The following CREBBP variants were observed in gnomAD, a reference collection of about 807,000 sequenced individuals.
The protein encoded by CREBBP is CREB binding lysine acetyltransferase.
In CREBBP, 19 loss-of-function variants were observed where a neutral mutation model predicts 265.0. That is an observed-to-expected ratio of 0.07 (90% confidence interval 0.05 to 0.11). The LOEUF is 0.11. CREBBP is among the 10% of genes least tolerant of loss of function. The pLI is 1.00. For missense variants in CREBBP, 2,525 were observed against 3,219.0 expected, an observed-to-expected ratio of 0.78 and a Z score of 5.22; for synonymous variants, 1,457 against 1,223.7, an observed-to-expected ratio of 1.19 and a Z score of -3.98.
At position 3,774,647 on chromosome 16, in the gene CREBBP, T is replaced by C. The variant is rs772073447; in HGVS notation, c.2205A>G (p.Pro735=). ...CTGCACGAGGTCCCATGGGTGCTTG[T>C]GGCAACTGGACGTTCCCCAAGGACA... The part of the protein sequence containing the change: ...NPMSLGNVQL[P]QAPMGPRAAS... The change falls in exon 12 of 31, where the codon CCA becomes CCG. Residue 735 remains proline (P), a synonymous_variant. Coordinates refer to ENST00000262367, the MANE Select transcript of CREBBP (RefSeq NM_004380.3). The C allele has an allele frequency of 3.1e-6, 5 of 1,614,216 alleles. No individual in the cohort carries two copies. The highest frequency in any genetic ancestry group is 2.2e-5 in the East Asian group (1 of 44,892).
chr16:3,826,632 T>C (rs1327751459), intron 2 of CREBBP, among the ~76,000 whole-genome samples: 1 of 152,040 alleles, frequency 6.6e-6, no homozygotes, highest in African/African-American at 2.4e-5. Context: ...CAGACAAATC[T>C]GTACAGAGGG....
At chr16:3,730,979 C>T (rs953392251) in intron 30 of CREBBP, among the ~76,000 whole-genome samples, 4 of 152,218 alleles carry the variant, frequency 2.6e-5, no homozygotes, top group African/African-American at 9.6e-5. Context: ...CTGGCCGTCC[C>T]CAGGGTCAGG....
rs200780672 is a variant in CREBBP at position 3,728,671 on chromosome 16, C to A, written c.6376G>T (p.Gly2126Cys). 5.6e-6 allele frequency: 9 copies of A among 1,613,490 alleles called. No homozygotes were observed. Among genetic ancestry groups the A allele is most frequent in the African/African-American group, 1.3e-5 (1 of 74,834 alleles). The change falls in exon 31 of 31, where the codon GGC (glycine) becomes TGC (cysteine). Residue 2126 changes from glycine to cysteine, a missense_variant. By Grantham distance (159) the Gly-to-Cys change is radical (BLOSUM62 -3). Around this residue, in one of 19 missense-constraint regions of CREBBP, gnomAD observed 473 missense variants for 459.3 expected, o/e 1.03. Coordinates refer to ENST00000262367, the MANE Select transcript of CREBBP (RefSeq NM_004380.3). This position sits in a 1 kb window ranked among gnomAD's most constrained non-coding sequence, Gnocchi z 8.7. ...QPQPGLQSQP[G>C]MQPQPGMHQQ... Reference sequence around the variant, plus strand: ...TGCATGCCAGGCTGGGGTTGCATGCCGGGCTGGGACTGGAGGCCAGGCTGG... The same window carrying A: ...TGCATGCCAGGCTGGGGTTGCATGCAGGGCTGGGACTGGAGGCCAGGCTGG...
In CREBBP at chr16:3,726,245, G is replaced by A. The variant is rs369136324; in HGVS notation, c.*1473C>T. On this transcript the variant is annotated 3_prime_UTR_variant, in exon 31 of 31. Transcript: ENST00000262367. ...AGATTCTGGGAGTCGTGTACGGGGG[G>A]GGGGAGCCGCCTGAACACGGGAAGA... 5.2e-5 allele frequency: 12 copies of A among 232,260 alleles called. No homozygotes were observed. The highest frequency in any genetic ancestry group is 1.6e-4 in the African/African-American group (7 of 44,732). 14.4% of individuals were successfully genotyped at this position (232,260 alleles called of 1,614,324 possible).
chr16:3,849,424 T>TGTGTGTGTGTGTG (rs2054747501), intron 2 of CREBBP, among the ~76,000 whole-genome samples: 1 of 7,402 alleles, frequency 1.4e-4, no homozygotes, highest in Non-Finnish European at 2.1e-3. Flanking sequence ...TGTGTGTGTG[T>TGTGTGTGTGTGTG]GTGTGTGTGT....
intron 1 of CREBBP, among the ~76,000 whole-genome samples, chr16:3,865,208 C>T (rs950803850): frequency 2.6e-5 from 4 of 152,180 alleles, no homozygotes; most frequent in Admixed American, 1.3e-4. Context: ...GCCTTTTAAC[C>T]ACTAATTCTA....
In CREBBP at chr16:3,765,104, G is replaced by A. The variant is rs2052818023; in HGVS notation, c.3250+2616C>T. Among the ~76,000 whole-genome samples, 3 of 152,118 alleles carry A rather than the reference G, an allele frequency of 2.0e-5. No homozygotes were observed. In the South Asian group the frequency reaches 6.2e-4, roughly 32 times the overall value. On this transcript the variant is annotated intron_variant, in intron 16 of 30. Coordinates refer to ENST00000262367, the MANE Select transcript of CREBBP (RefSeq NM_004380.3). The stretch of plus-strand genomic sequence containing the variant: ...TTCTCCTGCCTCAGCCTCCCGAGCA[G>A]CTGGGACTACAGGCGCCCGCCACCA...
chr16:3,803,131 TTTC>T (rs972021521), intron 3 of CREBBP, among the ~76,000 whole-genome samples: 1 of 151,980 alleles, frequency 6.6e-6, no homozygotes, highest in African/African-American at 2.4e-5. Context: ...TTTCTTGTGT[TTTC>T]TTCTTTTTGC....
Position 3,731,093 on chromosome 16 carries a change from A to T in CREBBP, c.5172+99T>A. On this transcript the variant is annotated intron_variant, in intron 30 of 30. Coordinates refer to ENST00000262367, the MANE Select transcript of CREBBP (RefSeq NM_004380.3). This position sits in a 1 kb window ranked among gnomAD's most constrained non-coding sequence, Gnocchi z 7.7. ...TTCTGGAGGAGTCAGTGCAGCCACC[A>T]TCAGGTACAGACACCAACCCGGGCA... 7.9e-7 allele frequency: 1 copy of T among 1,265,752 alleles called. No homozygotes were observed. The highest frequency in any genetic ancestry group is 1.3e-5 in the South Asian group (1 of 76,790). The allele number at this position is 1,265,752 out of a possible 1,614,324, so 78.4% of individuals were successfully genotyped here.
intron 2 of CREBBP, among the ~76,000 whole-genome samples, chr16:3,839,362 C>T (rs1364867558): frequency 1.3e-5 from 2 of 152,124 alleles, no homozygotes; most frequent in Non-Finnish European, 2.9e-5. Context: ...CATATGCAAT[C>T]TCATTAAATT....
chr16:3,836,536 G>A (rs1239912701), intron 2 of CREBBP, among the ~76,000 whole-genome samples: 2 of 152,060 alleles, frequency 1.3e-5, no homozygotes, highest in African/African-American at 4.8e-5. Context: ...GAACTTTCTG[G>A]GCTAAGAGAA....
chr16:3,836,515 G>C (rs1231434428), intron 2 of CREBBP, among the ~76,000 whole-genome samples: 2 of 151,870 alleles, frequency 1.3e-5, no homozygotes, highest in African/African-American at 4.8e-5. Flanking sequence ...GAAAAAGGGA[G>C]GCATACAAAG....
At position 3,754,669 on chromosome 16, in the gene CREBBP, T is replaced by C. The variant is rs778774343; in HGVS notation, c.3698+2619A>G. ...ATATCTATAGATAATACTTATATTA[T>C]CTACAGATACTAACTGGGAAAGCTA... On this transcript the variant is annotated intron_variant, in intron 19 of 30. Transcript: ENST00000262367. 4.1e-4 allele frequency among the ~76,000 whole-genome samples: 63 copies of C among 152,310 alleles called. 1 individual carries two copies. Among genetic ancestry groups the C allele is most frequent in the Middle Eastern group, 3.4e-3 (1 of 294 alleles).
Position 3,863,975 on chromosome 16 carries a change from G to T in CREBBP, c.86-12966C>A, listed in dbSNP as rs1318920674. Among the ~76,000 whole-genome samples, 4 of 152,206 alleles carry T rather than the reference G, an allele frequency of 2.6e-5. No homozygotes were observed. In the East Asian group the frequency reaches 7.7e-4, roughly 29 times the overall value. On this transcript the variant is annotated intron_variant, in intron 1 of 30. Coordinates refer to ENST00000262367, the MANE Select transcript of CREBBP (RefSeq NM_004380.3). ...GAGAGGGGCACCAGACCCCGGAGAG[G>T]TGCTACAGTCAGCTGCCTATCCACC...
intron 28 of CREBBP, among the ~76,000 whole-genome samples, chr16:3,733,234 T>C (rs1426232535): frequency 2.0e-5 from 3 of 150,796 alleles, no homozygotes; most frequent in Non-Finnish European, 3.0e-5. Context: ...TGGTGGCGGG[T>C]GCCTGCAGTC....
At position 3,793,456 on chromosome 16, in the gene CREBBP, G is replaced by C. The variant is rs1375623286; in HGVS notation, c.1146C>G (p.Leu382=). 1 of 1,614,070 alleles carries C rather than the reference G, an allele frequency of 6.2e-7. No homozygotes were observed. Reference sequence around the variant, plus strand: ...CGTTTTTCATGGTTCGACAATGCGGGAGCGAGCAGGCCCGAACCTCTCCGT... The same window carrying C: ...CGTTTTTCATGGTTCGACAATGCGGCAGCGAGCAGGCCCGAACCTCTCCGT... ...QANGEVRACS[L]PHCRTMKNVL... is the part of the protein sequence containing the mutation. Residue 382 remains leucine (L), a synonymous_variant, in exon 4 of 31, where the codon CTC becomes CTG. Transcript: ENST00000262367.
intron 3 of CREBBP, among the ~76,000 whole-genome samples, chr16:3,802,156 G>C (rs1015067998): frequency 2.4e-5 from 2 of 85,084 alleles, no homozygotes; most frequent in African/African-American, 1.2e-4. Context: ...TTTTGTGACA[G>C]AGTCTCGCTC....
At chr16:3,732,929 A>G (rs1596795646) in intron 28 of CREBBP, among the ~76,000 whole-genome samples, 1 of 151,808 alleles carries the variant, frequency 6.6e-6, no homozygotes, top group African/African-American at 2.4e-5. Context: ...TGAACTCCGG[A>G]CCTCGGGTGA....
intron 23 of CREBBP, among the ~76,000 whole-genome samples, chr16:3,744,086 A>G (rs2052282603): frequency 6.6e-6 from 1 of 152,170 alleles, no homozygotes; most frequent in Non-Finnish European, 1.5e-5. Context: ...TTAAAAAAAA[A>G]AGAAAGTCTA....
Sources: gnomAD v4.1 joint callset for allele counts (sites outside exome capture counted in the v4.1 genomes callset) on GRCh38, gnomAD v4.1.1 for gene constraint, gnomAD v4.1.1 regional missense constraint, Gnocchi (gnomAD v3.1) non-coding constraint, MANE v1.5 for transcripts, NCBI Gene and HGNC (gene_info 2026-07-23, HGNC 2026-07-21) for gene names.